Variants in SHROOM4 observed in about 807,000 individuals in gnomAD.
The protein encoded by SHROOM4 is protein Shroom4.
A neutral mutation model predicts 80.3 loss-of-function variants in SHROOM4; 17 were observed. The ratio of observed to expected loss-of-function variants is 0.21; its 90% CI spans 0.14 to 0.32. SHROOM4 has a LOEUF of 0.32. SHROOM4 is among the 10% of genes least tolerant of loss of function. The pLI is 1.00. For synonymous variants in SHROOM4, 400 were observed against 437.5 expected (o/e 0.91, Z 1.07); for missense variants, 993 against 1,140.3 (o/e 0.87, Z 1.86).
chrX:50,711,835 T>C (rs1933826217), intron 1 of SHROOM4, among the ~76,000 whole-genome samples: 1 of 112,342 alleles, frequency 8.9e-6, no homozygotes, highest in African/African-American at 3.2e-5. Flanking sequence ...TTTGGATTTT[T>C]ATTGTCCCAC....
intron 1 of SHROOM4, among the ~76,000 whole-genome samples, chrX:50,711,147 G>A (rs1557264362): frequency 8.9e-6 from 1 of 112,242 alleles, no homozygotes; most frequent in Non-Finnish European, 1.9e-5. Flanking sequence ...GTTAACTGCT[G>A]CAATCAATGG....
chrX:50,618,429 T>C (rs1429615242), intron 5 of SHROOM4, among the ~76,000 whole-genome samples: 1 of 98,666 alleles, frequency 1.0e-5, no homozygotes, highest in African/African-American at 3.8e-5. Context: ...CCTTTCTTAT[T>C]TTTGAGACAG....
intron 5 of SHROOM4, among the ~76,000 whole-genome samples, chrX:50,611,131 A>ATTTTT (rs1929953644): frequency 2.6e-5 from 2 of 77,474 alleles, no homozygotes; most frequent in Admixed American, 1.4e-4. Context: ...TACAGACCAT[A>ATTTTT]TTTTCTTTTT....
intron 2 of SHROOM4, among the ~76,000 whole-genome samples, chrX:50,640,057 A>T (rs188921968): frequency 9.0e-6 from 1 of 111,474 alleles, no homozygotes; most frequent in East Asian, 2.8e-4. Flanking sequence ...CTTGCTCTGG[A>T]GTCCTACACA....
intron 1 of SHROOM4, among the ~76,000 whole-genome samples, chrX:50,793,221 C>T (rs1317962358): frequency 1.8e-5 from 2 of 110,161 alleles, no homozygotes; most frequent in Admixed American, 9.7e-5. Context: ...GCTTATATGA[C>T]GTACCTAAAA....
chrX:50,712,313 C>T (rs1933838776), intron 1 of SHROOM4, among the ~76,000 whole-genome samples: 1 of 111,692 alleles, frequency 9.0e-6, no homozygotes, highest in African/African-American at 3.3e-5. Flanking sequence ...TTCAAACTCC[C>T]CTTTGCAAAC....
chrX:50,767,309 T>A (rs541037160), intron 1 of SHROOM4, among the ~76,000 whole-genome samples: 2 of 112,177 alleles, frequency 1.8e-5, no homozygotes, highest in African/African-American at 6.5e-5. Context: ...GGCATGTCAA[T>A]ACCACACAAT....
At chrX:50,799,405 G>A (rs1936075389) in intron 1 of SHROOM4, among the ~76,000 whole-genome samples, 1 of 111,659 alleles carries the variant, frequency 9.0e-6, no homozygotes, top group Non-Finnish European at 1.9e-5. Context: ...TACTACTACT[G>A]TGAATTTCAA....
intron 1 of SHROOM4, among the ~76,000 whole-genome samples, chrX:50,777,543 A>T (rs1411670976): frequency 1.8e-5 from 2 of 112,030 alleles, no homozygotes; most frequent in African/African-American, 6.5e-5. Context: ...AGTAATTTAA[A>T]ATTAAATTTT....
intron 7 of SHROOM4, 98 bp from the exon 8 acceptor site, chrX:50,598,633 T>G: frequency 2.0e-6 from 2 of 1,006,878 alleles, no homozygotes; most frequent in South Asian, 4.1e-5. Flanking sequence ...AAGGAACAGA[T>G]GGTGGGCTCT....
At chrX:50,769,163 AGGAAG>A (rs782262203) in intron 1 of SHROOM4, among the ~76,000 whole-genome samples, 2 of 106,856 alleles carry the variant, frequency 1.9e-5, no homozygotes, top group African/African-American at 3.4e-5. Context: ...AAAAGAGGAA[AGGAAG>A]GGGAGAGGAG....
chrX:50,638,375 TC>T, intron 2 of SHROOM4, 67 bp from the exon 3 acceptor site: 1 of 1,170,192 alleles, frequency 8.5e-7, no homozygotes, highest in Admixed American at 2.2e-5. Context: ...CCAGGCAGCT[TC>T]CGCCCCACCC....
intron 1 of SHROOM4, among the ~76,000 whole-genome samples, chrX:50,722,985 T>A (rs1459422496): frequency 2.8e-5 from 3 of 108,809 alleles, no homozygotes; most frequent in Non-Finnish European, 3.8e-5. Flanking sequence ...GCAATGATTG[T>A]TTAGTATATT....
chrX:50,751,190 T>C (rs1170372686), intron 1 of SHROOM4, among the ~76,000 whole-genome samples: 1 of 112,266 alleles, frequency 8.9e-6, no homozygotes, highest in East Asian at 2.8e-4. Context: ...ATGGAGTCTA[T>C]GCCAAAGAGA....
At chrX:50,615,774 G>T (rs1355286876) in intron 5 of SHROOM4, among the ~76,000 whole-genome samples, 1 of 111,185 alleles carries the variant, frequency 9.0e-6, no homozygotes, top group Non-Finnish European at 1.9e-5. Context: ...TCTGATTGGG[G>T]TTTGTGTGTG....
At chrX:50,755,414 A>T (rs1204817523) in intron 1 of SHROOM4, among the ~76,000 whole-genome samples, 1 of 111,793 alleles carries the variant, frequency 8.9e-6, no homozygotes, top group Non-Finnish European at 1.9e-5. Context: ...TGAAACAGAG[A>T]CCCTTCTACA....
chrX:50,705,372 A>T (rs1557263880), intron 1 of SHROOM4, among the ~76,000 whole-genome samples: 1 of 111,996 alleles, frequency 8.9e-6, no homozygotes, highest in African/African-American at 3.2e-5. Context: ...TTGAGAAGAA[A>T]ATGCAGGAGG....
chrX:50,692,211 A>C (rs1933239400), intron 2 of SHROOM4, among the ~76,000 whole-genome samples: 1 of 112,206 alleles, frequency 8.9e-6, no homozygotes, highest in Non-Finnish European at 1.9e-5. Flanking sequence ...TGACTGGCTC[A>C]GAAGACACTC....
chrX:50,692,607 T>C, intron 2 of SHROOM4, among the ~76,000 whole-genome samples: 2 of 111,305 alleles, frequency 1.8e-5, no homozygotes, highest in Middle Eastern at 9.3e-3. Flanking sequence ...CAAAAACGCT[T>C]CCAAATTCAC....
Sources: allele counts gnomAD v4.1 joint callset (sites outside exome capture counted in the v4.1 genomes callset), GRCh38; gene constraint gnomAD v4.1.1; transcripts MANE v1.5; gene names NCBI Gene and HGNC (gene_info 2026-07-23, HGNC 2026-07-21).